TRIM14: variants seen among roughly 807,000 people sequenced by gnomAD.
TRIM14 encodes the protein tripartite motif containing 14, also known as tripartite motif-containing protein 14.
Under a neutral mutation model 44.5 loss-of-function variants are expected in TRIM14, and 28 were observed. The ratio of observed to expected loss-of-function variants is 0.63; its 90% CI spans 0.47 to 0.86. TRIM14 has a LOEUF of 0.86. TRIM14 is among the 40% of genes least tolerant of loss of function. The pLI is 0.00. For missense variants in TRIM14, 607 were observed against 611.1 expected, an observed-to-expected ratio of 0.99 and a Z score of 0.07; for synonymous variants, 299 against 269.2, an observed-to-expected ratio of 1.11 and a Z score of -1.08.
In TRIM14 at chr9:98,094,955, G is replaced by A; in HGVS notation, c.612C>T (p.Ser204=). The change falls in exon 4 of 6, where the codon TCC becomes TCT. Residue 204 remains serine, a synonymous_variant. Coordinates refer to ENST00000341469, the MANE Select transcript of TRIM14 (RefSeq NM_014788.4). The part of the protein sequence containing the change: ...LGELCHPVPL[S]FEPVKSFFKG... ...TAAAGAAGCTCTTGACGGGCTCAAA[G>A]GAGAGGGGCACGGGATGGCACAGCT... 1 of 1,614,208 alleles carries A rather than the reference G, an allele frequency of 6.2e-7. No individual in the cohort carries two copies. The highest frequency in any genetic ancestry group is 8.5e-7 in the Non-Finnish European group (1 of 1,180,034).
At chr9:98,047,198 AG>A in the TRIM14 span, among the ~76,000 whole-genome samples, 1 of 152,144 alleles carries the variant, frequency 6.6e-6, no homozygotes, top group African/African-American at 2.4e-5. Flanking sequence ...GGTTTTTATA[AG>A]GGGAAATCCC....
At chr9:98,059,213 C>A in the TRIM14 span, among the ~76,000 whole-genome samples, 1 of 151,732 alleles carries the variant, frequency 6.6e-6, no homozygotes, top group Non-Finnish European at 1.5e-5. Flanking sequence ...TTAGTAGAGA[C>A]GGGGTTTCAC....
intron 1 of TRIM14, among the ~76,000 whole-genome samples, chr9:98,118,303 A>G (rs1827125217): frequency 6.6e-6 from 1 of 152,230 alleles, no homozygotes; most frequent in Non-Finnish European, 1.5e-5. Flanking sequence ...CCACGGTGAC[A>G]ATGGCCCTGT....
At chr9:98,102,488 AT>A (rs1261313814) in intron 2 of TRIM14, among the ~76,000 whole-genome samples, 4 of 152,258 alleles carry the variant, frequency 2.6e-5, no homozygotes, top group African/African-American at 9.6e-5. Context: ...CAATGAAATA[AT>A]TTATAGCGAT....
At chr9:98,106,483 A>C (rs775270198) in intron 2 of TRIM14, among the ~76,000 whole-genome samples, 1 of 152,246 alleles carries the variant, frequency 6.6e-6, no homozygotes, top group Non-Finnish European at 1.5e-5. Flanking sequence ...ATCTGCCCCC[A>C]CATGAGAGTG....
chr9:98,083,040 A>G, downstream of TRIM14: 1 of 1,614,158 alleles, frequency 6.2e-7, no homozygotes, highest in Non-Finnish European at 8.5e-7. Context: ...ATCATGGCAA[A>G]AAAATCAAGT....
At chr9:98,106,825 C>CTTTTT (rs990996900) in intron 2 of TRIM14, among the ~76,000 whole-genome samples, 1 of 116,188 alleles carries the variant, frequency 8.6e-6, no homozygotes, top group Admixed American at 8.2e-5. Flanking sequence ...TTTCTTTCTT[C>CTTTTT]TTTTTTTTTT....
chr9:98,087,416 G>C lies in TRIM14; in HGVS notation c.*54C>G, dbSNP rs1014074595. The C allele has an allele frequency of 6.2e-7, 1 of 1,608,804 alleles. No homozygotes were observed. The highest frequency in any genetic ancestry group is 8.5e-7 in the Non-Finnish European group (1 of 1,176,330). The stretch of plus-strand genomic sequence containing the variant: ...CAGCCACGCTGATCTAGGTAGATTA[G>C]GCGAGACTGGGCAGCTGCGGCGTAC... On this transcript the variant is annotated 3_prime_UTR_variant, in exon 6 of 6. Coordinates refer to ENST00000341469, the MANE Select transcript of TRIM14 (RefSeq NM_014788.4).
chr9:98,076,843 T>C lies in TRIM14; in HGVS notation c.*29-7156A>G. The C allele has an allele frequency of 1.2e-5, 15 of 1,224,052 alleles. No homozygotes were observed. In the South Asian group the frequency reaches 2.0e-4, roughly 16 times the overall value. The allele number at this position is 1,224,052 out of a possible 1,614,324, so 75.8% of individuals were successfully genotyped here. On this transcript the variant is annotated intron_variant, in intron 6 of 6. Transcript: ENST00000375098. ...AAGATGAGGGGTTTTTCTACTTGTA[T>C]GTTATTCCTTGCCTGTCATAACAAC...
intron 5 of TRIM14, 103 bp from the exon 6 acceptor site, chr9:98,088,108 G>A: frequency 7.8e-7 from 1 of 1,279,498 alleles, no homozygotes; most frequent in Non-Finnish European, 1.0e-6. Context: ...AATGCGAAGC[G>A]CGGAAATGGC....
the TRIM14 span, among the ~76,000 whole-genome samples, chr9:98,039,240 C>G: frequency 6.6e-6 from 1 of 152,016 alleles, no homozygotes; most frequent in Admixed American, 6.6e-5. Context: ...GCCTCCACCT[C>G]TGGAGGCTCA....
At chr9:98,081,539 A>G (rs918210759), downstream of TRIM14, 1 of 162,022 alleles carries the variant, frequency 6.2e-6, no homozygotes, top group Admixed American at 6.1e-5. Flanking sequence ...AAGGGCAGTG[A>G]GTCGTTGCAG....
At chr9:98,109,602 C>T (rs962819814) in intron 2 of TRIM14, among the ~76,000 whole-genome samples, 1 of 152,176 alleles carries the variant, frequency 6.6e-6, no homozygotes. Flanking sequence ...GCTAATTCCT[C>T]CAAGAGACTG....
rs1394555909 is a variant in TRIM14 at position 98,089,668 on chromosome 9, A to G, written c.794-1663T>C. ...TTCAACAGAACTCTTCCACCCGGAC[A>G]GCATCTCAAGACAACGGCCACATTA... On this transcript the variant is annotated intron_variant, in intron 5 of 5. Coordinates refer to ENST00000341469, the MANE Select transcript of TRIM14 (RefSeq NM_014788.4). 3.3e-5 allele frequency among the ~76,000 whole-genome samples: 5 copies of G among 152,222 alleles called. No homozygotes were observed. In the East Asian group the frequency reaches 9.6e-4, roughly 29 times the overall value.
intron 1 of TRIM14, among the ~76,000 whole-genome samples, chr9:98,114,077 T>C (rs936945834): frequency 2.0e-5 from 3 of 152,260 alleles, no homozygotes; most frequent in African/African-American, 7.2e-5. Context: ...TTATTTGGGA[T>C]GTCAAAGTCA....
At chr9:98,075,658 C>G (rs891001732) in intron 6 of TRIM14, 1 of 152,150 alleles carries the variant, frequency 6.6e-6, no homozygotes, top group Admixed American at 6.5e-5. Flanking sequence ...AGTCACCATT[C>G]AGAGACATTG....
chr9:98,070,548 G>A (rs1196978928), intron 6 of TRIM14, among the ~76,000 whole-genome samples: 2 of 151,986 alleles, frequency 1.3e-5, no homozygotes, highest in Non-Finnish European at 2.9e-5. Context: ...AGCCTCCTGA[G>A]TAGCTAGGAT....
At chr9:98,082,077 A>G (rs542092478), downstream of TRIM14, 1 of 152,288 alleles carries the variant, frequency 6.6e-6, no homozygotes, top group East Asian at 1.9e-4. Context: ...TGGAGGATAT[A>G]GAGTAATAAA....
Position 98,103,179 on chromosome 9 carries a change from C to T in TRIM14, c.304-3015G>A, listed in dbSNP as rs541153769. Among the ~76,000 whole-genome samples the T allele has an allele frequency of 4.6e-5, 7 of 151,410 alleles. No homozygotes were observed. The South Asian group carries it at 6.3e-4, about 14-fold the overall frequency. On this transcript the variant is annotated intron_variant, in intron 2 of 5. Coordinates refer to ENST00000341469, the MANE Select transcript of TRIM14 (RefSeq NM_014788.4). ...CAGCCTGGGCAACAGAACGAGACTC[C>T]ATCTCCAAAAACAAACAACAACAAC...
Sources: allele counts gnomAD v4.1 joint callset (sites outside exome capture counted in the v4.1 genomes callset), GRCh38; gene constraint gnomAD v4.1.1; transcripts MANE v1.5; gene names NCBI Gene and HGNC (gene_info 2026-07-23, HGNC 2026-07-21).